Variants in AP1M1 observed in about 807,000 individuals in gnomAD.
AP1M1 encodes the protein AP-1 complex subunit mu-1.
Under a neutral mutation model 57.1 loss-of-function variants are expected in AP1M1, and 18 were observed. The ratio of observed to expected loss-of-function variants is 0.32; its 90% CI spans 0.22 to 0.47. The LOEUF (loss-of-function observed/expected upper bound fraction) is 0.47, where lower values mean the gene tolerates loss of function less well. Among genes scored for constraint, AP1M1 ranks in the 20% least tolerant of loss-of-function variants. AP1M1 has a pLI of 1.00. For missense variants in AP1M1, 362 were observed against 593.5 expected (o/e 0.61, Z 4.05); for synonymous variants, 241 against 237.9 (o/e 1.01, Z -0.12).
In AP1M1 at chr19:16,234,761, A is replaced by T; in HGVS notation, c.*326A>T. On this transcript the variant is annotated 3_prime_UTR_variant, in exon 12 of 12. Transcript: ENST00000291439. ...TCCCAGGTACCAAAAAGCTTGGCCA[A>T]CGCTTGCCAGCCAGCCAGCTGCAGG... 1 of 433,456 alleles carries T rather than the reference A, an allele frequency of 2.3e-6. No individual in the cohort carries two copies. The highest frequency in any genetic ancestry group is 4.2e-6 in the Non-Finnish European group (1 of 239,948). 26.9% of individuals were successfully genotyped at this position (433,456 alleles called of 1,614,324 possible).
In AP1M1 at chr19:16,206,265, G is replaced by T; in HGVS notation, c.200-76G>T. The T allele has an allele frequency of 6.8e-7, 1 of 1,474,670 alleles. No homozygotes were observed. 91.3% of individuals were successfully genotyped at this position (1,474,670 alleles called of 1,614,324 possible). On this transcript the variant is annotated intron_variant, in intron 2 of 11. Transcript: ENST00000291439. The surrounding 1 kb of genome is among the most constrained non-coding windows in gnomAD (Gnocchi z 4.3). ...GCTCTGAGGGTTGTGAGGGTTAGGG[G>T]GTCCCTCCATGAACCAGGATCTTCC...
intron 5 of AP1M1, among the ~76,000 whole-genome samples, chr19:16,215,463 CAAAAAAAAAAAAA>C (rs59357311): frequency 5.3e-3 from 163 of 31,012 alleles, no homozygotes; most frequent in Admixed American, 9.5e-3. Flanking sequence ...GATTCCATCT[CAAAAAAAAAAAAA>C]AAAAAAAAAA....
chr19:16,203,390 C>T lies in AP1M1; in HGVS notation c.43-69C>T. ...GCGAAGCAGGGTGGTGCATCTCACC[C>T]CCTGCCCCAAGCCCCCAGATTGTAG... On this transcript the variant is annotated intron_variant, in intron 1 of 11. Transcript: ENST00000291439. The surrounding 1 kb of genome is among the most constrained non-coding windows in gnomAD (Gnocchi z 4.6). The T allele has an allele frequency of 6.4e-7, 1 of 1,557,560 alleles. No homozygotes were observed. The highest frequency in any genetic ancestry group is 1.7e-5 in the Admixed American group (1 of 59,242).
chr19:16,198,264 C>G (rs1418851142), intron 1 of AP1M1, 196 bp downstream of exon 1: 3 of 420,792 alleles, frequency 7.1e-6, no homozygotes, highest in Non-Finnish European at 1.3e-5. Context: ...TAATCCCCGC[C>G]CTGTTGCTAC....
Position 16,203,615 on chromosome 19 carries a change from C to T in AP1M1, c.199C>T (p.Leu67=), listed in dbSNP as rs751224121. The T allele has an allele frequency of 1.6e-5, 26 of 1,602,356 alleles. No individual in the cohort carries two copies. Among genetic ancestry groups the T allele is most frequent in the East Asian group, 1.6e-4 (7 of 44,696 alleles). ...FMWIKHNNLY[L]VATSKKNACV... is the part of the protein sequence containing the mutation. ...GTGGATCAAACACAACAACCTGTAT[C>T]GTATCCCTTTGCTGGGGGTGCTCCC... Residue 67 remains leucine, a splice_region_variant and synonymous_variant, in exon 2 of 12, where the codon CTG becomes TTG. Transcript: ENST00000291439. The surrounding 1 kb of genome is among the most constrained non-coding windows in gnomAD (Gnocchi z 4.6).
chr19:16,216,843 C>T (rs958881550), intron 5 of AP1M1, among the ~76,000 whole-genome samples: 2 of 152,260 alleles, frequency 1.3e-5, no homozygotes, highest in African/African-American at 4.8e-5. Flanking sequence ...CTGGTCACAA[C>T]ACTCCAATGG....
chr19:16,218,332 C>T (rs2091527623), intron 5 of AP1M1, among the ~76,000 whole-genome samples: 1 of 152,206 alleles, frequency 6.6e-6, no homozygotes, highest in African/African-American at 2.4e-5. Flanking sequence ...TGCCCTGCAT[C>T]ACTACCACTT....
intron 9 of AP1M1, among the ~76,000 whole-genome samples, chr19:16,231,775 C>G (rs1391968123): frequency 6.6e-6 from 1 of 152,192 alleles, no homozygotes; most frequent in Non-Finnish European, 1.5e-5. Flanking sequence ...ATCCAGCTTC[C>G]ATTTGTTTTG....
intron 9 of AP1M1, among the ~76,000 whole-genome samples, chr19:16,231,142 G>A (rs2091594381): frequency 6.6e-6 from 1 of 151,814 alleles, no homozygotes; most frequent in East Asian, 2.0e-4. Flanking sequence ...CAAAAAATTA[G>A]CCGGGTGTGG....
Position 16,228,565 on chromosome 19 carries a change from C to T in AP1M1, c.889-205C>T, listed in dbSNP as rs1200524032. ...TGAGGAGCCTTGGAAGCTGAGCAGA[C>T]AGGAGGATGAAGATGAAACTCCTGA... On this transcript the variant is annotated intron_variant, in intron 8 of 11. Transcript: ENST00000291439. This position sits in a 1 kb window ranked among gnomAD's most constrained non-coding sequence, Gnocchi z 5.0. 6.6e-6 allele frequency among the ~76,000 whole-genome samples: 1 copy of T among 152,122 alleles called. No individual in the cohort carries two copies. The highest frequency in any genetic ancestry group is 2.4e-5 in the African/African-American group (1 of 41,428).
In AP1M1 at chr19:16,233,640, G is replaced by A. The variant is rs117517476; in HGVS notation, c.1173+22G>A. On this transcript the variant is annotated intron_variant, in intron 10 of 11. Coordinates refer to ENST00000291439, the MANE Select transcript of AP1M1 (RefSeq NM_032493.4). ...CCAGGTACGTAAGGCCCAGGCGGCC[G>A]GGGCCCAGAACAGGGACAGAGGCCG... 1.2e-4 allele frequency: 200 copies of A among 1,602,788 alleles called. No homozygotes were observed. In the East Asian group the frequency reaches 2.6e-3, roughly 20 times the overall value.
rs370743728 is a variant in AP1M1 at position 16,233,364 on chromosome 19, CAG to C, written c.1048-128_1048-127del. On this transcript the variant is annotated intron_variant, in intron 9 of 11. Transcript: ENST00000291439. ...AGGGCCGAGCTTTGGCTCCCCAGCA[CAG>C]GGGCTCATGCTCCCCTCCCTGGACT... is the stretch of plus-strand genomic sequence containing the variant. 2.4e-5 allele frequency: 32 copies of C among 1,330,998 alleles called. No individual in the cohort carries two copies. The African/African-American group carries it at 3.8e-4, about 16-fold the overall frequency. The allele number at this position is 1,330,998 out of a possible 1,614,324, so 82.4% of individuals were successfully genotyped here. A position where few individuals can be genotyped will look rare whatever the true frequency, so the allele number is the denominator to read the frequency against.
At chr19:16,234,361 G>T (rs534675236) in intron 11 of AP1M1, 52 bp from the exon 12 acceptor site, 35 of 1,613,776 alleles carry the variant, frequency 2.2e-5, no homozygotes, top group Middle Eastern at 3.3e-4. Flanking sequence ...GTCGGGTCCC[G>T]AAAGCAGGGA....
intron 5 of AP1M1, among the ~76,000 whole-genome samples, chr19:16,213,563 C>T (rs1189120956): frequency 2.0e-5 from 3 of 151,482 alleles, no homozygotes; most frequent in Admixed American, 6.6e-5. Flanking sequence ...GGCGCAATCT[C>T]GGCTCACTGC....
chr19:16,245,904 AAAT>A (rs1479083399), exon 12 of AP1M1: 23 of 152,342 alleles, frequency 1.5e-4, no homozygotes, highest in African/African-American at 5.3e-4. Context: ...TAAAAAATAA[AAAT>A]AAAGTCATTG....
chr19:16,198,348 C>T (rs2091433090), intron 1 of AP1M1: 1 of 224,940 alleles, frequency 4.4e-6, no homozygotes, highest in South Asian at 1.3e-4. Context: ...GGCGCCGGGG[C>T]CGGGGGCTCG....
intron 5 of AP1M1, 59 bp downstream of exon 5, chr19:16,209,236 A>T: frequency 6.3e-7 from 1 of 1,584,370 alleles, no homozygotes; most frequent in Non-Finnish European, 8.6e-7. Flanking sequence ...ATAGAAATAA[A>T]CACAGCATTT....
intron 5 of AP1M1, among the ~76,000 whole-genome samples, chr19:16,222,908 T>C (rs2091552315): frequency 6.6e-6 from 1 of 152,236 alleles, no homozygotes. Flanking sequence ...GTTGCAAGCA[T>C]TTGCAATTTT....
At position 16,239,248 on chromosome 19, in the gene AP1M1, T is replaced by A. The variant is rs2091636775; in HGVS notation, c.*4813T>A. On this transcript the variant is annotated 3_prime_UTR_variant, in exon 12 of 12. Coordinates refer to ENST00000291439, the MANE Select transcript of AP1M1 (RefSeq NM_032493.4). The stretch of plus-strand genomic sequence containing the variant: ...GCGCCCGGCCAGTTCTCTTTTTTTT[T>A]TTTTTTTTTTTTTTTTTTTTTTTTT... 2 of 67,158 alleles carry A rather than the reference T, an allele frequency of 3.0e-5. No homozygotes were observed. Among genetic ancestry groups the A allele is most frequent in the Admixed American group, 1.8e-4 (1 of 5,630 alleles). 4.2% of individuals were successfully genotyped at this position (67,158 alleles called of 1,614,324 possible).
Sources: gnomAD v4.1 joint callset for allele counts (sites outside exome capture counted in the v4.1 genomes callset) on GRCh38, gnomAD v4.1.1 for gene constraint, Gnocchi (gnomAD v3.1) non-coding constraint, MANE v1.5 for transcripts, NCBI Gene and HGNC (gene_info 2026-07-23, HGNC 2026-07-21) for gene names.